The following TAF6 variants were observed in gnomAD, a reference collection of about 807,000 sequenced individuals.
TAF6 encodes the protein transcription initiation factor TFIID subunit 6.
Under a neutral mutation model 73.5 loss-of-function variants are expected in TAF6, and 50 were observed. The observed-to-expected ratio is 0.68, with a 90% CI of 0.54 to 0.86. TAF6 has a LOEUF of 0.86. Ranked by LOEUF, TAF6 falls within the 40% of genes least tolerant of loss-of-function variation. TAF6 has a pLI of 0.00. For synonymous variants in TAF6, 424 were observed against 376.7 expected (o/e 1.13, Z -1.45); for missense variants, 768 against 899.5 (o/e 0.85, Z 1.87).
chr7:100,122,686 C>G (rs76702812), upstream of TAF6: 52,251 of 1,529,366 alleles, frequency 0.034, 1,015 homozygotes, highest in Middle Eastern at 0.052. Flanking sequence ...TGGAACTCAC[C>G]CTTGAATCTC....
chr7:100,122,067 G>A (rs1290434031), upstream of TAF6: 80 of 350,096 alleles, frequency 2.3e-4, no homozygotes, highest in Middle Eastern at 7.7e-4. Flanking sequence ...AAAAAAAAAA[G>A]ATGAAGAAAC....
intron 13 of TAF6, 104 bp downstream of exon 13, chr7:100,108,263 T>TGA: frequency 6.8e-7 from 1 of 1,474,154 alleles, no homozygotes; most frequent in South Asian, 1.3e-5. Context: ...CTGGTTGCCC[T>TGA]GAGACTACTG....
chr7:100,108,187 A>G, intron 13 of TAF6, 64 bp from the exon 14 acceptor site: 4 of 1,508,294 alleles, frequency 2.7e-6, no homozygotes, highest in Non-Finnish European at 2.7e-6. Flanking sequence ...CTGAAGGGAG[A>G]GGCCTGGGCT....
At chr7:100,120,852 G>C (rs1798017474), upstream of TAF6, among the ~76,000 whole-genome samples, 1 of 151,924 alleles carries the variant, frequency 6.6e-6, no homozygotes, top group Non-Finnish European at 1.5e-5. Flanking sequence ...ACCACAGCTT[G>C]TCATCCTTGG....
At chr7:100,122,080 A>C, upstream of TAF6, 4 of 565,948 alleles carry the variant, frequency 7.1e-6, no homozygotes, top group Non-Finnish European at 9.1e-6. Context: ...GAAGAAACCG[A>C]GGCACAGCAA....
At chr7:100,119,122 G>A in intron 1 of TAF6, 82 bp downstream of exon 1, 1 of 986,478 alleles carries the variant, frequency 1.0e-6, no homozygotes, top group Non-Finnish European at 1.2e-6. Context: ...AGGAGGTTCA[G>A]AGAGCCCACC....
Position 100,119,244 on chromosome 7 carries a change from T to A in TAF6, c.-100A>T, listed in dbSNP as rs913335881. On this transcript the variant is annotated 5_prime_UTR_variant, in exon 1 of 15. Transcript: ENST00000453269. The stretch of plus-strand genomic sequence containing the variant: ...CCCCACAAGGGACCTTCAAAGGGTC[T>A]CCTCCGGGGTACCACTCAGACCCGC... The A allele has an allele frequency of 4.5e-5, 45 of 1,004,558 alleles. No homozygotes were observed. Among genetic ancestry groups the A allele is most frequent in the Non-Finnish European group, 5.1e-5 (43 of 841,108 alleles). The allele number at this position is 1,004,558 out of a possible 1,614,324, so 62.2% of individuals were successfully genotyped here.
intron 1 of TAF6, among the ~76,000 whole-genome samples, chr7:100,118,244 C>T (rs1797844412): frequency 6.6e-6 from 1 of 150,424 alleles, no homozygotes. Context: ...TCCCAGCTAT[C>T]TGGGAGGCTG....
Position 100,113,359 on chromosome 7 carries a change from G to A in TAF6, c.444C>T (p.Asn148=), listed in dbSNP as rs908420990. The A allele has an allele frequency of 6.3e-7, 1 of 1,595,402 alleles. No homozygotes were observed. Among genetic ancestry groups the A allele is most frequent in the East Asian group, 2.2e-5 (1 of 44,620 alleles). ...IEGCQPAIPE[N]PPPAPKEQQK... ...GGGCATGGAGGTTACCTGGGGGCGG[G>A]TTCTCGGGGATAGCTGGCTGGCAGC... The change falls in exon 5 of 15, where the codon AAC becomes AAT. Residue 148 remains asparagine (N), a synonymous_variant. Transcript: ENST00000453269.
upstream of TAF6, chr7:100,122,120 G>T: frequency 1.0e-6 from 1 of 966,604 alleles, no homozygotes; most frequent in South Asian, 1.6e-5. Flanking sequence ...GCTGCTAAAT[G>T]GCTGAGCCAG....
Position 100,110,007 on chromosome 7 carries a change from C to T in TAF6, c.1225G>A (p.Gly409Ser), listed in dbSNP as rs1166668327. 4.3e-6 allele frequency: 7 copies of T among 1,614,006 alleles called. No homozygotes were observed. In the Admixed American group the frequency reaches 5.0e-5, roughly 12 times the overall value. ...CGGTCAATGTTGCTCAGCACAGGGC[C>T]GTCCAGCACACTGCGGATCCGCTCC... ...EGERIRSVLD[G>S]PVLSNIDRIG... The change falls in exon 12 of 15, where the codon GGC becomes AGC. Residue 409 changes from glycine to serine, a missense_variant. By Grantham distance (56) the Gly-to-Ser change is moderately conservative. Coordinates refer to ENST00000453269, the MANE Select transcript of TAF6 (RefSeq NM_139315.3).
chr7:100,110,262 C>A lies in TAF6; in HGVS notation c.1096G>T (p.Glu366Ter), dbSNP rs774840126. Residue 366 changes from glutamate to a stop codon, truncating the protein, a stop_gained, in exon 11 of 15, where the codon GAG becomes TAG. Coordinates refer to ENST00000453269, the MANE Select transcript of TAF6 (RefSeq NM_139315.3). LOFTEE classifies it high-confidence loss of function. ...TKTFTKSWVD[E>*]KTPWTTRYGS... Reference sequence around the variant, plus strand: ...TAACGAGTCGTCCAGGGCGTCTTCTCGTCCACCCAGCTCTGTAAGGGGAAG... The same window carrying A: ...TAACGAGTCGTCCAGGGCGTCTTCTAGTCCACCCAGCTCTGTAAGGGGAAG... 7 of 1,614,092 alleles carry A rather than the reference C, an allele frequency of 4.3e-6. No individual in the cohort carries two copies. Among genetic ancestry groups the A allele is most frequent in the Non-Finnish European group, 5.9e-6 (7 of 1,179,974 alleles).
chr7:100,108,558 A>G lies in TAF6; in HGVS notation c.1285-18T>C, dbSNP rs1475973751. On this transcript the variant is annotated intron_variant, in intron 12 of 14. Transcript: ENST00000453269. ...CAGTGTTTCTGCAGAACAGAAAAAA[A>G]GCCAGGTAGAGGGAGGGCTGGGGAA... is the stretch of plus-strand genomic sequence containing the variant. The G allele has an allele frequency of 3.4e-5, 54 of 1,580,488 alleles. No homozygotes were observed. Among genetic ancestry groups the G allele is most frequent in the Non-Finnish European group, 4.4e-5 (51 of 1,158,090 alleles).
At chr7:100,107,884 C>T in intron 14 of TAF6, 42 bp downstream of exon 14, 1 of 1,568,880 alleles carries the variant, frequency 6.4e-7, no homozygotes. Flanking sequence ...TCTGAGGTAA[C>T]CCAGGCCCTC....
At chr7:100,120,969 C>T (rs1236620354), upstream of TAF6, among the ~76,000 whole-genome samples, 6 of 151,606 alleles carry the variant, frequency 4.0e-5, no homozygotes. Flanking sequence ...TAAATAACTG[C>T]AGGATAACAG....
intron 10 of TAF6, 159 bp from the exon 11 acceptor site, chr7:100,110,433 G>A (rs1051262263): frequency 3.7e-5 from 24 of 649,924 alleles, no homozygotes; most frequent in Non-Finnish European, 5.2e-5. Context: ...TTGGGAGGCC[G>A]AGGCAGGCAG....
upstream of TAF6, chr7:100,121,116 A>ATATATAT (rs1584585316): frequency 1.7e-4 from 9 of 52,760 alleles, no homozygotes; most frequent in Non-Finnish European, 2.2e-4. Flanking sequence ...ATATATATAT[A>ATATATAT]TTTTTTTTTT....
chr7:100,121,773 G>A (rs555138937), upstream of TAF6, among the ~76,000 whole-genome samples: 60 of 151,428 alleles, frequency 4.0e-4, no homozygotes, highest in Non-Finnish European at 7.8e-4. Context: ...GAAACCGGCC[G>A]GGCGTGGTGG....
At position 100,112,945 on chromosome 7, in the gene TAF6, G is replaced by A. The variant is rs142800085; in HGVS notation, c.455-28C>T. 5.0e-4 allele frequency: 789 copies of A among 1,593,914 alleles called. 7 individuals are homozygous for A. In the East Asian group the frequency reaches 0.015, roughly 31 times the overall value. ...GGTGGGAAAGCAGGCACAGCGGGAG[G>A]GGTGATGAGCATAGTAGAAAAGTAA... is the stretch of plus-strand genomic sequence containing the variant. On this transcript the variant is annotated intron_variant, in intron 5 of 14. Transcript: ENST00000453269.
Sources: gnomAD v4.1 joint callset for allele counts (sites outside exome capture counted in the v4.1 genomes callset) on GRCh38, gnomAD v4.1.1 for gene constraint, MANE v1.5 for transcripts, NCBI Gene and HGNC (gene_info 2026-07-23, HGNC 2026-07-21) for gene names.